THSD7B: variants seen among roughly 807,000 people sequenced by gnomAD.
THSD7B encodes thrombospondin type-1 domain-containing protein 7B.
Under a neutral mutation model 213.6 loss-of-function variants are expected in THSD7B, and 138 were observed. That is an observed-to-expected ratio of 0.65 (90% CI 0.56 to 0.74). The LOEUF is 0.74. THSD7B is among the 30% of genes least tolerant of loss of function. The pLI is 0.00. For missense variants in THSD7B, 1,931 were observed against 1,991.5 expected, an observed-to-expected ratio of 0.97 and a Z score of 0.58; for synonymous variants, 742 against 687.0, an observed-to-expected ratio of 1.08 and a Z score of -1.25.
At chr2:136,921,776 G>A (rs572482284) in intron 2 of THSD7B, among the ~76,000 whole-genome samples, 5 of 152,180 alleles carry the variant, frequency 3.3e-5, no homozygotes, top group African/African-American at 9.6e-5. Flanking sequence ...GAGTACTGTC[G>A]TTTTCATTAC....
chr2:137,226,555 T>A (rs1323461989), intron 7 of THSD7B, among the ~76,000 whole-genome samples: 3 of 151,816 alleles, frequency 2.0e-5, no homozygotes, highest in African/African-American at 7.2e-5. Context: ...TTGAGTATAT[T>A]CATATGTTAA....
At chr2:137,279,126 C>G (rs112258412) in intron 12 of THSD7B, among the ~76,000 whole-genome samples, 100 of 152,124 alleles carry the variant, frequency 6.6e-4, no homozygotes, top group African/African-American at 2.3e-3. Flanking sequence ...TTAGAAGAAA[C>G]TGTAGAACAG....
intron 3 of THSD7B, among the ~76,000 whole-genome samples, chr2:137,058,691 A>G (rs1687212592): frequency 6.6e-6 from 1 of 152,126 alleles, no homozygotes; most frequent in African/African-American, 2.4e-5. Context: ...AATTCTAACC[A>G]TGAGTGTAAT....
At chr2:136,915,411 A>G (rs1190718974) in intron 2 of THSD7B, among the ~76,000 whole-genome samples, 2 of 152,234 alleles carry the variant, frequency 1.3e-5, no homozygotes, top group African/African-American at 4.8e-5. Context: ...GGCAGGCAAT[A>G]TAAGTATCAC....
intron 14 of THSD7B, among the ~76,000 whole-genome samples, chr2:137,447,370 C>G (rs578206486): frequency 2.0e-5 from 3 of 152,224 alleles, no homozygotes; most frequent in Admixed American, 6.5e-5. Context: ...CTGAAACCTC[C>G]TGGAATTTCA....
chr2:137,448,754 G>A (rs2105063136), intron 14 of THSD7B, among the ~76,000 whole-genome samples: 1 of 151,982 alleles, frequency 6.6e-6, no homozygotes, highest in Non-Finnish European at 1.5e-5. Context: ...AGCCGAGATT[G>A]CGCCACTGCA....
intron 12 of THSD7B, among the ~76,000 whole-genome samples, chr2:137,350,797 G>A (rs1224226510): frequency 6.6e-6 from 1 of 151,714 alleles, no homozygotes; most frequent in Non-Finnish European, 1.5e-5. Context: ...AAGAGATGTT[G>A]GAAAAGTAGA....
At chr2:137,598,090 CTG>C (rs372538037) in intron 17 of THSD7B, among the ~76,000 whole-genome samples, 19 of 152,122 alleles carry the variant, frequency 1.2e-4, no homozygotes, top group African/African-American at 3.6e-4. Context: ...TTCTTTTTTT[CTG>C]TCTTTCCTCT....
At chr2:137,100,736 A>G (rs1259142725) in intron 4 of THSD7B, among the ~76,000 whole-genome samples, 3 of 152,136 alleles carry the variant, frequency 2.0e-5, no homozygotes, top group South Asian at 2.1e-4. Flanking sequence ...TACCTTTATT[A>G]TATAGTAAGT....
chr2:137,447,563 G>T (rs149152652), intron 14 of THSD7B, among the ~76,000 whole-genome samples: 1 of 151,960 alleles, frequency 6.6e-6, no homozygotes, highest in Non-Finnish European at 1.5e-5. Flanking sequence ...TAGTGAATTA[G>T]TAATCAAAAC....
intron 2 of THSD7B, among the ~76,000 whole-genome samples, chr2:136,919,836 A>G (rs1198236332): frequency 6.6e-6 from 1 of 152,214 alleles, no homozygotes; most frequent in Non-Finnish European, 1.5e-5. Context: ...ACAGCTGGGC[A>G]TGCCGGCTGT....
At chr2:137,038,520 A>T (rs1686819309) in intron 2 of THSD7B, among the ~76,000 whole-genome samples, 1 of 152,222 alleles carries the variant, frequency 6.6e-6, no homozygotes, top group Non-Finnish European at 1.5e-5. Flanking sequence ...TTAGTCTTAG[A>T]CTAGACGGAA....
rs114688625 is a variant in THSD7B, at chr2:137,254,688, G to C, written c.2266+12116G>C. Among the ~76,000 whole-genome samples the C allele has an allele frequency of 5.9e-3, 904 of 152,208 alleles. 9 individuals are homozygous for C. The highest frequency in any genetic ancestry group is 0.02 in the African/African-American group (820 of 41,534). On this transcript the variant is annotated intron_variant, in intron 10 of 27. Coordinates refer to ENST00000409968, the MANE Select transcript of THSD7B (RefSeq NM_001316349.2). ...AACATAGATATAATATGTAATATCT[G>C]TAAGACAACTTAACTTCATAGGGCT... is the stretch of plus-strand genomic sequence containing the variant.
chr2:137,010,020 T>A (rs993858255), intron 2 of THSD7B, among the ~76,000 whole-genome samples: 2 of 152,198 alleles, frequency 1.3e-5, no homozygotes, highest in African/African-American at 4.8e-5. Flanking sequence ...ATTCGGGTAA[T>A]TTTTCCTTCT....
intron 12 of THSD7B, among the ~76,000 whole-genome samples, chr2:137,302,018 T>A (rs888631577): frequency 1.3e-5 from 2 of 152,064 alleles, no homozygotes; most frequent in Admixed American, 6.6e-5. Flanking sequence ...TCCAGGGGAA[T>A]GATGATGTGA....
intron 5 of THSD7B, among the ~76,000 whole-genome samples, chr2:137,119,279 A>C (rs1688502228): frequency 6.6e-6 from 1 of 152,196 alleles, no homozygotes; most frequent in African/African-American, 2.4e-5. Context: ...TTATTTGTTT[A>C]AAAAAATTAT....
intron 12 of THSD7B, among the ~76,000 whole-genome samples, chr2:137,373,875 A>G (rs905103605): frequency 2.6e-5 from 4 of 152,160 alleles, no homozygotes; most frequent in African/African-American, 4.8e-5. Flanking sequence ...TAATTTTTGT[A>G]TAAGTTGTAA....
rs56716402 is a variant in THSD7B at position 136,844,462 on chromosome 2, C to CAGAGAGAGAGAGAGAGAG, written c.-35-37666_-35-37649dup. On this transcript the variant is annotated intron_variant, in intron 1 of 27. Coordinates refer to ENST00000409968, the MANE Select transcript of THSD7B (RefSeq NM_001316349.2). ...ACCAAGGAGGAGAGGCCACCCAAAA[C>CAGAGAGAGAGAGAGAGAG]AGAGAGAGAGAGAGAGAGAGAGAGA... is the stretch of plus-strand genomic sequence containing the variant. 1.9e-3 allele frequency among the ~76,000 whole-genome samples: 272 copies of CAGAGAGAGAGAGAGAGAG among 142,588 alleles called. 4 individuals are homozygous for CAGAGAGAGAGAGAGAGAG. In the East Asian group the frequency reaches 0.02, roughly 11 times the overall value. The allele number at this position is 142,588 out of a possible 152,430, so 93.5% of individuals were successfully genotyped here.
intron 12 of THSD7B, among the ~76,000 whole-genome samples, chr2:137,310,280 T>C (rs1683863553): frequency 6.6e-6 from 1 of 151,532 alleles, no homozygotes; most frequent in Non-Finnish European, 1.5e-5. Flanking sequence ...TTTCATGTGT[T>C]TTTTGGCTGC....
Sources: allele counts gnomAD v4.1 joint callset (sites outside exome capture counted in the v4.1 genomes callset), GRCh38; gene constraint gnomAD v4.1.1; transcripts MANE v1.5; gene names NCBI Gene and HGNC (gene_info 2026-07-23, HGNC 2026-07-21).